The following FBN3 variants were observed in gnomAD, a reference collection of about 807,000 sequenced individuals.
FBN3 encodes fibrillin 3.
A neutral mutation model predicts 330.1 loss-of-function variants in FBN3; 234 were observed. That is an observed-to-expected ratio of 0.71 (90% CI 0.64 to 0.79). The LOEUF (loss-of-function observed/expected upper bound fraction) is 0.79. Ranked by LOEUF, FBN3 falls within the 30% of genes least tolerant of loss-of-function variation. The pLI, the probability that FBN3 is intolerant of heterozygous loss-of-function variation, is 0.00. For synonymous variants in FBN3, 1,458 were observed against 1,517.3 expected, an observed-to-expected ratio of 0.96 and a Z score of 0.91; for missense variants, 3,606 against 3,886.9, an observed-to-expected ratio of 0.93 and a Z score of 1.92.
intron 8 of FBN3, among the ~76,000 whole-genome samples, chr19:8,141,120 A>G (rs10416188): frequency 0.9 from 130,746 of 144,808 alleles, 59,136 homozygotes; most frequent in African/African-American, 0.95. Context: ...GCGTGAACCC[A>G]GGAGGCGGAG....
At position 8,102,873 on chromosome 19, in the gene FBN3, T is replaced by C. The variant is rs1255295956; in HGVS notation, c.4940A>G (p.Asp1647Gly). 1 of 1,614,076 alleles carries C rather than the reference T, an allele frequency of 6.2e-7. No individual in the cohort carries two copies. The highest frequency in any genetic ancestry group is 8.5e-7 in the Non-Finnish European group (1 of 1,179,960). Residue 1647 changes from aspartate to glycine, a missense_variant and splice_region_variant, in exon 40 of 64, where the codon GAT becomes GGT. Asp to Gly is a moderately conservative substitution (Grantham distance 94). Coordinates refer to ENST00000600128, the MANE Select transcript of FBN3 (RefSeq NM_032447.5). ...CCGGAAGCAGACACTCTTCCTCATA[T>C]CTGTAGTTGGCACAAAGGAGAAGAA... ...LQVNGGNNCM[D>G]MRKSVCFRHY...
chr19:8,089,648 G>A lies in FBN3; in HGVS notation c.6273C>T (p.Asn2091=), dbSNP rs754911415. Residue 2091 remains asparagine, a synonymous_variant, in exon 51 of 64, where the codon AAC becomes AAT. Transcript: ENST00000600128. ...AGACGCCGTTAGTGCAGACGCCAGG[G>A]TTCTCTGCACACTCATTCACGTCTG... ...SREDVNECAE[N]PGVCTNGVCV... is the part of the protein sequence containing the mutation. 1.2e-6 allele frequency: 2 copies of A among 1,614,066 alleles called. No homozygotes were observed. Among genetic ancestry groups the A allele is most frequent in the Non-Finnish European group, 8.5e-7 (1 of 1,180,030 alleles).
At position 8,109,872 on chromosome 19, in the gene FBN3, G is replaced by T; in HGVS notation, c.4334-119C>A. 8.6e-7 allele frequency: 1 copy of T among 1,157,672 alleles called. No individual in the cohort carries two copies. The allele number at this position is 1,157,672 out of a possible 1,614,324, so 71.7% of individuals were successfully genotyped here. On this transcript the variant is annotated intron_variant, in intron 34 of 63. Coordinates refer to ENST00000600128, the MANE Select transcript of FBN3 (RefSeq NM_032447.5). This position sits in a 1 kb window ranked among gnomAD's most constrained non-coding sequence, Gnocchi z 5.2. ...GGTCAACTCCTGGGCACCAGATTGT[G>T]GGACAATGTCATGTCCTTCCCTGGG...
At chr19:8,108,799 C>T (rs999357020) in intron 36 of FBN3, among the ~76,000 whole-genome samples, 4 of 152,146 alleles carry the variant, frequency 2.6e-5, no homozygotes, top group African/African-American at 9.7e-5. Flanking sequence ...TTTCACTTCC[C>T]CACAGCTTTC....
chr19:8,123,614 C>A, intron 23 of FBN3, 25 bp from the exon 24 acceptor site: 2 of 1,612,246 alleles, frequency 1.2e-6, no homozygotes, highest in Non-Finnish European at 1.7e-6. Context: ...CATCAAACCA[C>A]CCTGACGTCC....
chr19:8,123,386 G>T, intron 24 of FBN3, 78 bp downstream of exon 24: 5 of 1,431,734 alleles, frequency 3.5e-6, no homozygotes, highest in Non-Finnish European at 4.8e-6. Context: ...AAGAACAGGT[G>T]TTGTCTCTAC....
chr19:8,147,749 AG>A, intron 1 of FBN3: 1 of 362,420 alleles, frequency 2.8e-6, no homozygotes, highest in South Asian at 1.0e-4. Flanking sequence ...GGGAAGTGGA[AG>A]GGAGGGGAGA....
intron 13 of FBN3, among the ~76,000 whole-genome samples, chr19:8,134,099 G>A (rs142384812): frequency 0.19 from 28,960 of 150,900 alleles, 3,531 homozygotes; most frequent in East Asian, 0.36. Context: ...AAAATCAGCC[G>A]GGCGTGGTGG....
chr19:8,111,538 C>CG lies in FBN3; in HGVS notation c.4084+109dup, dbSNP rs2082583087. 5 of 1,239,770 alleles carry CG rather than the reference C, an allele frequency of 4.0e-6. No individual in the cohort carries two copies. In the South Asian group the frequency reaches 7.2e-5, roughly 18 times the overall value. The allele number at this position is 1,239,770 out of a possible 1,614,324, so 76.8% of individuals were successfully genotyped here. On this transcript the variant is annotated intron_variant, in intron 32 of 63. Coordinates refer to ENST00000600128, the MANE Select transcript of FBN3 (RefSeq NM_032447.5). ...AGCCTCTCCAGCACCCACAGAGCGG[C>CG]GATTGAGTCAGAAGGAGTCAGGAGG... is the stretch of plus-strand genomic sequence containing the variant.
Position 8,112,051 on chromosome 19 carries a change from G to A in FBN3, c.3887C>T (p.Ser1296Phe). 6.2e-7 allele frequency: 1 copy of A among 1,613,352 alleles called. No homozygotes were observed. Among genetic ancestry groups the A allele is most frequent in the South Asian group, 1.1e-5 (1 of 91,016 alleles). Residue 1296 changes from serine to phenylalanine, a missense_variant, in exon 31 of 64, where the codon TCC becomes TTC. Ser to Phe is a radical substitution (Grantham distance 155, BLOSUM62 -2). Coordinates refer to ENST00000600128, the MANE Select transcript of FBN3 (RefSeq NM_032447.5). ...VGGHNCDSHA[S>F]CLNIPGSFSC... ...GAAACTCCCCGGGATGTTGAGACAG[G>A]AGGCGTGACTGTCACAGTTGTGTCC...
At chr19:8,135,936 G>GGGGGGGGGGGGGGCCCCC in intron 13 of FBN3, 25 bp downstream of exon 13, 34 of 668,722 alleles carry the variant, frequency 5.1e-5, no homozygotes, top group Non-Finnish European at 6.7e-5. Flanking sequence ...GGAAGCCCCT[G>GGGGGGGGGGGGGGCCCCC]CCCACCCGCC....
At position 8,129,306 on chromosome 19, in the gene FBN3, G is replaced by A. The variant is rs150195254; in HGVS notation, c.2104C>T (p.Arg702Trp). ...VCANGVCENLRGSYRCVCNLG... is the reference protein window; with the variant it reads ...VCANGVCENLWGSYRCVCNLG... ...TTGCAGACACAGCGGTAGCTGCCCC[G>A]AAGGTTCTCGCACACGCCATTGGCA... The change falls in exon 17 of 64, where the codon CGG becomes TGG. Residue 702 changes from arginine (R) to tryptophan (W), a missense_variant. Physicochemically the swap from Arg to Trp is moderately radical, Grantham distance 101. Coordinates refer to ENST00000600128, the MANE Select transcript of FBN3 (RefSeq NM_032447.5). This position sits in a 1 kb window ranked among gnomAD's most constrained non-coding sequence, Gnocchi z 4.5. 9.5e-5 allele frequency: 153 copies of A among 1,614,046 alleles called. No homozygotes were observed. Among genetic ancestry groups the A allele is most frequent in the Non-Finnish European group, 1.2e-4 (138 of 1,180,044 alleles).
chr19:8,102,363 C>T (rs911088681), intron 40 of FBN3, among the ~76,000 whole-genome samples: 7 of 151,894 alleles, frequency 4.6e-5, no homozygotes, highest in East Asian at 1.9e-4. Context: ...TACGGGCCTG[C>T]GCCACCACAC....
At position 8,142,058 on chromosome 19, in the gene FBN3, C is replaced by T; in HGVS notation, c.621G>A (p.Lys207=). ...QHQLTGLVCT[K]ALCCATVGRA... is the part of the protein sequence containing the mutation. ...GGCCCACAGTGGCACAGCAAAGTGC[C>T]TTGGTGCACACGAGGCCCGTCAGCT... The change falls in exon 7 of 64, where the codon AAG becomes AAA. Residue 207 remains lysine (K), a synonymous_variant. Transcript: ENST00000600128. 3 of 1,614,138 alleles carry T rather than the reference C, an allele frequency of 1.9e-6. No homozygotes were observed. Among genetic ancestry groups the T allele is most frequent in the Non-Finnish European group, 2.5e-6 (3 of 1,180,008 alleles).
At chr19:8,138,617 C>T in intron 8 of FBN3, 53 bp from the exon 9 acceptor site, 1 of 1,519,640 alleles carries the variant, frequency 6.6e-7, no homozygotes, top group Admixed American at 2.0e-5. Flanking sequence ...GTGACCAGAC[C>T]TGGATCCAAA....
intron 6 of FBN3, 130 bp downstream of exon 6, chr19:8,144,747 G>T: frequency 1.5e-6 from 1 of 656,020 alleles, no homozygotes. Context: ...AATGTCCTCA[G>T]ACTGCCCCAA....
Position 8,095,510 on chromosome 19 carries a change from A to T in FBN3, c.5657-7T>A. ...GTAGTACACTCATCAAAATCTGTAG[A>T]GGGGAGATGGGCAGGCCAGTTCACC... On this transcript the variant is annotated splice_polypyrimidine_tract_variant and splice_region_variant and intron_variant, in intron 45 of 63. Transcript: ENST00000600128. 6.2e-7 allele frequency: 1 copy of T among 1,612,398 alleles called. No individual in the cohort carries two copies. The highest frequency in any genetic ancestry group is 8.5e-7 in the Non-Finnish European group (1 of 1,179,056).
chr19:8,072,186 G>C lies in FBN3; in HGVS notation c.7950C>G (p.Ser2650=), dbSNP rs151208986. The part of the protein sequence containing the change: ...YFRAGQGHCV[S]GLGFSPGPQD... ...GGGGTCCGGGGCTGAAGCCCAGGCCGGAGACACAGTGCCTGGGCCAGGATG... is the reference window on the plus strand; with the variant it reads ...GGGGTCCGGGGCTGAAGCCCAGGCCCGAGACACAGTGCCTGGGCCAGGATG... The change falls in exon 63 of 64, where the codon TCC becomes TCG. Residue 2650 remains serine, a synonymous_variant. Coordinates refer to ENST00000600128, the MANE Select transcript of FBN3 (RefSeq NM_032447.5). The C allele has an allele frequency of 1.9e-6, 3 of 1,551,478 alleles. No homozygotes were observed. The highest frequency in any genetic ancestry group is 2.4e-5 in the South Asian group (2 of 82,570).
At chr19:8,135,936 G>GGGGGGGGGGGGGGGGGCCGC in intron 13 of FBN3, 25 bp downstream of exon 13, 2 of 668,778 alleles carry the variant, frequency 3.0e-6, no homozygotes, top group Non-Finnish European at 4.8e-6. Flanking sequence ...GGAAGCCCCT[G>GGGGGGGGGGGGGGGGGCCGC]CCCACCCGCC....
Sources: allele counts gnomAD v4.1 joint callset (sites outside exome capture counted in the v4.1 genomes callset), GRCh38; gene constraint gnomAD v4.1.1; non-coding constraint Gnocchi (gnomAD v3.1); transcripts MANE v1.5; gene names NCBI Gene and HGNC (gene_info 2026-07-23, HGNC 2026-07-21).